The following ILKAP variants were observed in gnomAD, a reference collection of about 807,000 sequenced individuals.
The protein encoded by ILKAP is integrin-linked kinase-associated serine/threonine phosphatase 2C.
In ILKAP, 11 loss-of-function variants were observed where a neutral mutation model predicts 49.1. That is an observed-to-expected ratio of 0.22 (90% CI 0.14 to 0.37). The LOEUF (loss-of-function observed/expected upper bound fraction) is 0.37. Among genes scored for constraint, ILKAP ranks in the 10% least tolerant of loss-of-function variants. The pLI is 1.00. For missense variants in ILKAP, 363 were observed against 510.8 expected, an observed-to-expected ratio of 0.71 and a Z score of 2.79; for synonymous variants, 186 against 192.8, an observed-to-expected ratio of 0.96 and a Z score of 0.29.
chr2:238,194,395 C>T, intron 2 of ILKAP, 64 bp from the exon 3 acceptor site: 1 of 1,497,204 alleles, frequency 6.7e-7, no homozygotes, highest in Non-Finnish European at 9.3e-7. Context: ...TTTCAGAATC[C>T]ATCCCACCAG....
intron 1 of ILKAP, among the ~76,000 whole-genome samples, 182 bp downstream of exon 1, chr2:238,203,317 G>A (rs1054492570): frequency 2.0e-5 from 3 of 150,566 alleles, no homozygotes; most frequent in South Asian, 4.1e-4. Flanking sequence ...GCGAGCGACC[G>A]GGCCTCCGAC....
intron 9 of ILKAP, among the ~76,000 whole-genome samples, chr2:238,179,268 G>A (rs1308477063): frequency 6.6e-6 from 1 of 152,210 alleles, no homozygotes; most frequent in Non-Finnish European, 1.5e-5. Flanking sequence ...ATTCACAAAG[G>A]AAGGATGGAG....
chr2:238,191,380 TTC>T (rs1694115848), intron 3 of ILKAP, among the ~76,000 whole-genome samples: 1 of 152,192 alleles, frequency 6.6e-6, no homozygotes, highest in Non-Finnish European at 1.5e-5. Context: ...TGTCAGACAT[TTC>T]TTAGTGCTGA....
rs890682318 is a variant in ILKAP at position 238,200,810 on chromosome 2, G to C, written c.55+2689C>G. On this transcript the variant is annotated intron_variant, in intron 1 of 11. Transcript: ENST00000254654. ...TGCACTCCAGCCTGGGCGACACAAT[G>C]AGGCTGTCTCAAAAATAATAACCCT... 2.0e-5 allele frequency among the ~76,000 whole-genome samples: 3 copies of C among 152,224 alleles called. No homozygotes were observed. In the East Asian group the frequency reaches 5.8e-4, roughly 29 times the overall value.
chr2:238,179,988 G>A (rs73102390), intron 9 of ILKAP, among the ~76,000 whole-genome samples: 1,561 of 151,908 alleles, frequency 0.01, 29 homozygotes, highest in African/African-American at 0.036. Context: ...GGAAAACACA[G>A]ACAGAGACCC....
At chr2:238,180,514 G>C (rs950044022) in intron 9 of ILKAP, among the ~76,000 whole-genome samples, 5 of 152,234 alleles carry the variant, frequency 3.3e-5, no homozygotes, top group Admixed American at 3.3e-4. Context: ...ATTTGGAAAT[G>C]TTTTACTATT....
chr2:238,183,897 A>G (rs1693795995), intron 7 of ILKAP, 123 bp downstream of exon 7: 4 of 941,290 alleles, frequency 4.2e-6, no homozygotes, highest in Non-Finnish European at 6.6e-6. Context: ...CGGTTATAAA[A>G]GCTGAGTGCT....
chr2:238,189,996 CAG>C (rs1694055080), intron 3 of ILKAP, 24 bp from the exon 4 acceptor site: 1 of 1,612,700 alleles, frequency 6.2e-7, no homozygotes, highest in Admixed American at 1.7e-5. Context: ...AAAAGCCAGA[CAG>C]AAACACAGCT....
chr2:238,201,735 A>G (rs182722883), intron 1 of ILKAP, among the ~76,000 whole-genome samples: 1 of 152,390 alleles, frequency 6.6e-6, no homozygotes, highest in Admixed American at 6.5e-5. Flanking sequence ...TCATAGGTTT[A>G]CACGCACACT....
chr2:238,199,299 A>G (rs1238825903), intron 1 of ILKAP, among the ~76,000 whole-genome samples: 1 of 152,216 alleles, frequency 6.6e-6, no homozygotes, highest in African/African-American at 2.4e-5. Flanking sequence ...AATCTGCTAG[A>G]CTGCTCGTCA....
intron 3 of ILKAP, among the ~76,000 whole-genome samples, chr2:238,190,213 T>C (rs1266873118): frequency 2.6e-5 from 4 of 152,148 alleles, no homozygotes; most frequent in East Asian, 1.9e-4. Flanking sequence ...CTGAAGGGGT[T>C]TGTAAAAGAC....
intron 4 of ILKAP, chr2:238,188,542 G>C: frequency 3.8e-6 from 1 of 261,760 alleles, no homozygotes; most frequent in South Asian, 9.2e-5. Flanking sequence ...AAAGCATCAG[G>C]GCAAGGGATG....
Position 238,173,631 on chromosome 2 carries a change from G to GCACGCCCAAAA in ILKAP, c.848_858dup (p.Leu287PhefsTer5). 6.2e-7 allele frequency: 1 copy of GCACGCCCAAAA among 1,613,854 alleles called. No individual in the cohort carries two copies. The highest frequency in any genetic ancestry group is 8.5e-7 in the Non-Finnish European group (1 of 1,179,782). On this transcript the variant is annotated frameshift_variant, in exon 10 of 12. Transcript: ENST00000254654. LOFTEE classifies it high-confidence loss of function. The stretch of plus-strand genomic sequence containing the variant: ...TCCCCAATGGAGCGTGACACCTCTA[G>GCACGCCCAAAA]CACGCCCAAAACACGCCCATCCCTA...
intron 3 of ILKAP, among the ~76,000 whole-genome samples, chr2:238,193,153 A>G (rs1694209624): frequency 6.6e-6 from 1 of 152,246 alleles, no homozygotes; most frequent in Non-Finnish European, 1.5e-5. Context: ...CTGTAGATAA[A>G]TAAGAGACAG....
In ILKAP at chr2:238,184,024, T is replaced by G; in HGVS notation, c.622A>C (p.Ser208Arg). 6.3e-7 allele frequency: 1 copy of G among 1,592,782 alleles called. No homozygotes were observed. Among genetic ancestry groups the G allele is most frequent in the African/African-American group, 1.3e-5 (1 of 74,652 alleles). Residue 208 changes from serine (S) to arginine (R), a missense_variant, in exon 7 of 12, where the codon AGC (serine) becomes CGC (arginine). Coordinates refer to ENST00000254654, the MANE Select transcript of ILKAP (RefSeq NM_030768.3). ...TCATCATCAAGTTATACTTACTGGC[T>G]GGAAGCTTGTTTAAGGAACTCTTCA... ...TDEEFLKQAS[S>R]QKPAWKDGST...
intron 4 of ILKAP, among the ~76,000 whole-genome samples, chr2:238,188,850 C>T (rs987750334): frequency 6.6e-6 from 1 of 152,104 alleles, no homozygotes; most frequent in Non-Finnish European, 1.5e-5. Flanking sequence ...TACCTAATGC[C>T]AGACAAATAA....
chr2:238,196,211 C>T (rs1378542812), intron 1 of ILKAP, among the ~76,000 whole-genome samples: 2 of 151,664 alleles, frequency 1.3e-5, no homozygotes, highest in Admixed American at 1.3e-4. Context: ...CTGCCCCAGC[C>T]TCCTGAGTAG....
At chr2:238,198,085 TATG>T (rs1694419074) in intron 1 of ILKAP, among the ~76,000 whole-genome samples, 1 of 152,094 alleles carries the variant, frequency 6.6e-6, no homozygotes, top group African/African-American at 2.4e-5. Context: ...ACAACAATCC[TATG>T]ATGATAATCC....
Position 238,194,818 on chromosome 2 carries a change from G to A in ILKAP, c.108C>T (p.Ser36=). 6.2e-7 allele frequency: 1 copy of A among 1,614,110 alleles called. No homozygotes were observed. Among genetic ancestry groups the A allele is most frequent in the Non-Finnish European group, 8.5e-7 (1 of 1,179,948 alleles). Residue 36 remains serine, a synonymous_variant, in exon 2 of 12, where the codon AGC becomes AGT. Transcript: ENST00000254654. The stretch of plus-strand genomic sequence containing the variant: ...TGAAGACTGTACCTGAGTCAGTACT[G>A]CTGGCCGGAGGGAGGTCATCAAAGA... The part of the protein sequence containing the change: ...PLLFDDLPPA[S]STDSGSGGPL...
Sources: gnomAD v4.1 joint callset for allele counts (sites outside exome capture counted in the v4.1 genomes callset) on GRCh38, gnomAD v4.1.1 for gene constraint, MANE v1.5 for transcripts, NCBI Gene and HGNC (gene_info 2026-07-23, HGNC 2026-07-21) for gene names.